The following PRKN variants were observed in gnomAD, a reference collection of about 807,000 sequenced individuals.
PRKN encodes the protein E3 ubiquitin-protein ligase parkin.
PRKN carries 56 observed loss-of-function variants against 59.5 expected under a neutral mutation model. The observed-to-expected ratio is 0.94, with a 90% CI of 0.76 to 1.18. PRKN has a LOEUF of 1.18. PRKN is among the 50% of genes most tolerant of loss of function. The pLI, the probability that PRKN is intolerant of heterozygous loss-of-function variation, is 0.00. For missense variants in PRKN, 657 were observed against 596.4 expected, an observed-to-expected ratio of 1.10 and a Z score of -1.06; for synonymous variants, 250 against 222.1, an observed-to-expected ratio of 1.13 and a Z score of -1.12.
intron 6 of PRKN, among the ~76,000 whole-genome samples, chr6:161,880,825 C>T (rs994858908): frequency 5.3e-5 from 8 of 152,116 alleles, no homozygotes; most frequent in Admixed American, 1.3e-4. Context: ...CCAAGACAGC[C>T]GGAAAGAGCA....
intron 1 of PRKN, among the ~76,000 whole-genome samples, chr6:162,700,302 T>C (rs1179719087): frequency 6.6e-6 from 1 of 152,120 alleles, no homozygotes; most frequent in Non-Finnish European, 1.5e-5. Context: ...CCCCATACCA[T>C]TAATAAATAT....
intron 7 of PRKN, among the ~76,000 whole-genome samples, chr6:161,779,430 C>CTTTT (rs1790097814): frequency 2.1e-5 from 1 of 46,902 alleles, no homozygotes; most frequent in Non-Finnish European, 4.4e-5. Context: ...TTCTCTTTTT[C>CTTTT]TTTTCTTTTC....
rs1483280179 is a variant in PRKN at position 162,725,594 on chromosome 6, T to C, written c.7+2068A>G. Among the ~76,000 whole-genome samples the C allele has an allele frequency of 5.3e-5, 8 of 151,968 alleles. 2 individuals are homozygous for C. The highest frequency in any genetic ancestry group is 3.9e-4 in the Admixed American group (6 of 15,282). On this transcript the variant is annotated intron_variant, in intron 1 of 11. Transcript: ENST00000366898. ...GGGCAACATTATGAAACTCCATCTC[T>C]ACAAAAACTATAACAAAAAATTGGC...
intron 1 of PRKN, among the ~76,000 whole-genome samples, chr6:162,593,504 T>C (rs1405962924): frequency 6.6e-6 from 1 of 152,206 alleles, no homozygotes; most frequent in African/African-American, 2.4e-5. Context: ...CTCTGGACTT[T>C]ACACAGTACG....
At chr6:161,398,075 G>A (rs78398994) in intron 9 of PRKN, among the ~76,000 whole-genome samples, 1,894 of 152,242 alleles carry the variant, frequency 0.012, 36 homozygotes, top group African/African-American at 0.043. Context: ...ACACTCAAAG[G>A]TTTATGGCTT....
At chr6:162,604,081 G>A (rs921694327) in intron 1 of PRKN, among the ~76,000 whole-genome samples, 1 of 152,086 alleles carries the variant, frequency 6.6e-6, no homozygotes, top group South Asian at 2.1e-4. Flanking sequence ...GTGTGAGTTC[G>A]ACCTGAGGAC....
At chr6:162,167,667 A>T (rs983811305) in intron 4 of PRKN, among the ~76,000 whole-genome samples, 7 of 151,594 alleles carry the variant, frequency 4.6e-5, no homozygotes, top group Non-Finnish European at 7.4e-5. Context: ...GACGTACTTC[A>T]CAAAGTAATG....
chr6:162,507,277 C>T (rs577872398), intron 1 of PRKN, among the ~76,000 whole-genome samples: 1 of 152,104 alleles, frequency 6.6e-6, no homozygotes, highest in Non-Finnish European at 1.5e-5. Flanking sequence ...AGAGTAACTT[C>T]TTTGAAACGC....
intron 5 of PRKN, among the ~76,000 whole-genome samples, chr6:162,017,907 C>T (rs1365402050): frequency 6.7e-6 from 1 of 149,130 alleles, no homozygotes; most frequent in Non-Finnish European, 1.5e-5. Context: ...CCCGAGAGAG[C>T]CTCTGTTGTT....
At chr6:161,438,627 T>C (rs1019503593) in intron 9 of PRKN, among the ~76,000 whole-genome samples, 1 of 152,048 alleles carries the variant, frequency 6.6e-6, no homozygotes, top group African/African-American at 2.4e-5. Context: ...TTCGGCGAAA[T>C]AGGAAATCTA....
At chr6:162,640,215 A>C (rs2846557) in intron 1 of PRKN, among the ~76,000 whole-genome samples, 44,031 of 151,944 alleles carry the variant, frequency 0.29, 6,974 homozygotes, top group Non-Finnish European at 0.36. Context: ...ACAGGCTTCC[A>C]ACTAAGAACT....
intron 2 of PRKN, among the ~76,000 whole-genome samples, chr6:162,281,574 A>G (rs1780912874): frequency 6.6e-6 from 1 of 152,202 alleles, no homozygotes; most frequent in South Asian, 2.1e-4. Flanking sequence ...GGGAAAAATG[A>G]AAGCAAAATC....
chr6:162,068,949 A>C (rs1778454738), intron 4 of PRKN, among the ~76,000 whole-genome samples: 1 of 152,184 alleles, frequency 6.6e-6, no homozygotes, highest in Non-Finnish European at 1.5e-5. Flanking sequence ...ATATAACATT[A>C]GTTGTCAAGT....
At chr6:161,469,869 C>T (rs184428337) in intron 9 of PRKN, among the ~76,000 whole-genome samples, 121 of 152,288 alleles carry the variant, frequency 7.9e-4, no homozygotes, top group African/African-American at 2.7e-3. Context: ...TATTACTGAA[C>T]TGTGAGAGGT....
chr6:161,586,380 T>C (rs548207503), intron 7 of PRKN, among the ~76,000 whole-genome samples: 55 of 152,342 alleles, frequency 3.6e-4, no homozygotes, highest in Admixed American at 3.6e-3. Flanking sequence ...ACTTGAGTTT[T>C]GGTTTTCTCC....
chr6:161,827,437 A>G (rs1185641837), intron 6 of PRKN, among the ~76,000 whole-genome samples: 1 of 152,056 alleles, frequency 6.6e-6, no homozygotes, highest in Non-Finnish European at 1.5e-5. Context: ...TGTGGCATTG[A>G]ATTTTTAAAA....
At chr6:162,727,604 C>T (rs1779341666) in intron 1 of PRKN, 58 bp downstream of exon 1, 5 of 1,539,460 alleles carry the variant, frequency 3.2e-6, no homozygotes, top group Non-Finnish European at 4.4e-6. Flanking sequence ...CGGGGCGTGG[C>T]GCCATACCGG....
chr6:161,966,505 T>A (rs1364844284), intron 6 of PRKN, among the ~76,000 whole-genome samples: 1 of 152,176 alleles, frequency 6.6e-6, no homozygotes, highest in Non-Finnish European at 1.5e-5. Context: ...TTTATATGAC[T>A]TAGGCACCCA....
intron 1 of PRKN, among the ~76,000 whole-genome samples, chr6:162,484,116 T>G (rs1402032694): frequency 6.6e-6 from 1 of 152,184 alleles, no homozygotes; most frequent in Non-Finnish European, 1.5e-5. Flanking sequence ...CAGATGCCTC[T>G]TAATATAAAG....
Sources: gnomAD v4.1 joint callset for allele counts (sites outside exome capture counted in the v4.1 genomes callset) on GRCh38, gnomAD v4.1.1 for gene constraint, MANE v1.5 for transcripts, NCBI Gene and HGNC (gene_info 2026-07-23, HGNC 2026-07-21) for gene names.